Variants in RP1L1 observed in about 807,000 individuals in gnomAD.
RP1L1 encodes retinitis pigmentosa 1-like 1 protein.
RP1L1 carries 27 observed loss-of-function variants against 15.7 expected under a neutral mutation model. The ratio of observed to expected loss-of-function variants is 1.72; its 90% CI spans 1.27 to 2.38. RP1L1 has a LOEUF of 2.38. Among genes scored for constraint, RP1L1 ranks in the 30% most tolerant of loss-of-function variants. The probability of loss-of-function intolerance (pLI) is 0.00; values close to 1 mark genes in which losing one functional copy is unlikely to be tolerated. For synonymous variants in RP1L1, 1,813 were observed against 1,276.7 expected (o/e 1.42, Z -8.96); for missense variants, 4,798 against 3,075.9 (o/e 1.56, Z -13.24).
chr8:10,631,704 G>A (rs1274054617), intron 1 of RP1L1, among the ~76,000 whole-genome samples: 6 of 152,166 alleles, frequency 3.9e-5, no homozygotes, highest in Non-Finnish European at 4.4e-5. Context: ...GACCGCAAGC[G>A]CTGGGTTCTC....
At position 10,647,692 on chromosome 8, in the gene RP1L1, A is replaced by G. The variant is rs148588804; in HGVS notation, c.-20+7206T>C. Among the ~76,000 whole-genome samples, 476 of 152,324 alleles carry G rather than the reference A, an allele frequency of 3.1e-3. 3 individuals carry two copies. Among genetic ancestry groups the G allele is most frequent in the African/African-American group, 0.011 (443 of 41,566 alleles). On this transcript the variant is annotated intron_variant, in intron 1 of 3. Transcript: ENST00000382483. ...ATTTCCCTCCTTTTTAGGGCTGAAT[A>G]ATATTCCACCTCATGTATATGCCAG...
chr8:10,651,289 T>C (rs1428861718), intron 1 of RP1L1, among the ~76,000 whole-genome samples: 1 of 152,184 alleles, frequency 6.6e-6, no homozygotes, highest in African/African-American at 2.4e-5. Context: ...CTCCAGGTGA[T>C]TGTGCTCACA....
chr8:10,635,893 A>C (rs567562918), intron 1 of RP1L1, among the ~76,000 whole-genome samples: 92 of 152,356 alleles, frequency 6.0e-4, no homozygotes, highest in Middle Eastern at 3.4e-3. Flanking sequence ...CAGACACTGG[A>C]AGATCCCCCG....
Position 10,609,274 on chromosome 8 carries a change from G to A in RP1L1, c.4824C>T (p.His1608=), listed in dbSNP as rs772895975. Residue 1608 remains histidine, a synonymous_variant, in exon 4 of 4, where the codon CAC becomes CAT. Coordinates refer to ENST00000382483, the MANE Select transcript of RP1L1 (RefSeq NM_178857.6). ...ELLLQTQQRR[H]RLRGLRNLSA... ...AGAGGTTTCGCAGGCCCCGGAGACGGTGTCTGCGCTGCTGGGTCTGCAGGA... is the reference window on the plus strand; with the variant it reads ...AGAGGTTTCGCAGGCCCCGGAGACGATGTCTGCGCTGCTGGGTCTGCAGGA... The A allele has an allele frequency of 1.4e-5, 23 of 1,609,894 alleles. No individual in the cohort carries two copies. Among genetic ancestry groups the A allele is most frequent in the Non-Finnish European group, 1.4e-5 (17 of 1,179,702 alleles).
In RP1L1 at chr8:10,612,795, T is replaced by C. The variant is rs781267892; in HGVS notation, c.1303A>G (p.Ser435Gly). ...GCAGTCCCGTGGCCCCACAGGCCAC[T>C]GCAGCGGACGTGCTGGGCCAGTCCC... ...RWGLAQHVRCSGLWGHGTAGR... is the reference protein window; with the variant it reads ...RWGLAQHVRCGGLWGHGTAGR... Residue 435 changes from serine to glycine, a missense_variant, in exon 4 of 4, where the codon AGT becomes GGT. Transcript: ENST00000382483. 8.1e-6 allele frequency: 13 copies of C among 1,610,960 alleles called. No homozygotes were observed. The highest frequency in any genetic ancestry group is 6.7e-5 in the Admixed American group (4 of 60,006).
rs980841873 is a variant in RP1L1 at position 10,644,434 on chromosome 8, G to A, written c.-20+10464C>T. 9.2e-5 allele frequency among the ~76,000 whole-genome samples: 14 copies of A among 152,216 alleles called. No homozygotes were observed. In the South Asian group the frequency reaches 2.5e-3, roughly 27 times the overall value. ...GGCTGGTCTATCCATGCCTGGCCCTGACTGTTGAAGGGTCACACCAGGCCA... is the reference window on the plus strand; with the variant it reads ...GGCTGGTCTATCCATGCCTGGCCCTAACTGTTGAAGGGTCACACCAGGCCA... On this transcript the variant is annotated intron_variant, in intron 1 of 3. Transcript: ENST00000382483.
intron 3 of RP1L1, 23 bp downstream of exon 3, chr8:10,616,423 G>A (rs1797965982): frequency 6.2e-7 from 1 of 1,614,000 alleles, no homozygotes; most frequent in Non-Finnish European, 8.5e-7. Context: ...AATCAGATGG[G>A]GGAAACCCAA....
In RP1L1 at chr8:10,607,409, G is replaced by T; in HGVS notation, c.6689C>A (p.Thr2230Asn). 4.4e-6 allele frequency: 7 copies of T among 1,593,662 alleles called. No homozygotes were observed. Among genetic ancestry groups the T allele is most frequent in the Non-Finnish European group, 6.0e-6 (7 of 1,167,706 alleles). ...CTGGGCCTCCCCTTCAGCCTCCGGG[G>T]TCTCTACGCCTTCTGGCTCTGGCTG... ...EAQPEPEGVE[T>N]PEAEGEAQPE... is the part of the protein sequence containing the mutation. Residue 2230 changes from threonine (T) to asparagine (N), a missense_variant, in exon 4 of 4, where the codon ACC becomes AAC. Coordinates refer to ENST00000382483, the MANE Select transcript of RP1L1 (RefSeq NM_178857.6).
chr8:10,612,940 G>T lies in RP1L1; in HGVS notation c.1158C>A (p.Pro386=). 1.2e-6 allele frequency: 2 copies of T among 1,612,046 alleles called. No homozygotes were observed. The highest frequency in any genetic ancestry group is 8.5e-7 in the Non-Finnish European group (1 of 1,179,644). ...FSEPGVWGPR[P]CRVGCREVFG... is the part of the protein sequence containing the mutation. ...AGACTTCCCTGCATCCCACCCTGCA[G>T]GGCCGGGGTCCCCACACCCCAGGCT... The change falls in exon 4 of 4, where the codon CCC becomes CCA. Residue 386 remains proline (P), a synonymous_variant. Transcript: ENST00000382483.
chr8:10,617,385 G>A (rs1356671164), intron 2 of RP1L1, among the ~76,000 whole-genome samples: 15 of 137,144 alleles, frequency 1.1e-4, no homozygotes, highest in African/African-American at 3.9e-4. Flanking sequence ...AAATTATAAG[G>A]GTATGCTCAT....
Position 10,611,408 on chromosome 8 carries a change from G to C in RP1L1, c.2690C>G (p.Pro897Arg). Residue 897 changes from proline to arginine, a missense_variant, in exon 4 of 4, where the codon CCC becomes CGC. Pro to Arg is a moderately radical substitution (Grantham distance 103). Coordinates refer to ENST00000382483, the MANE Select transcript of RP1L1 (RefSeq NM_178857.6). ...SPQEGTRQPG[P>R]TPSPGPNSGA... ...TGAATTGGGGCCTGGGGACGGCGTG[G>C]GGCCTGGCTGGCGTGTCCCCTCCTG... 6.3e-7 allele frequency: 1 copy of C among 1,594,896 alleles called. No homozygotes were observed. Among genetic ancestry groups the C allele is most frequent in the Non-Finnish European group, 8.5e-7 (1 of 1,172,622 alleles).
At chr8:10,616,957 G>A (rs1201498900) in intron 2 of RP1L1, among the ~76,000 whole-genome samples, 3 of 152,166 alleles carry the variant, frequency 2.0e-5, no homozygotes, top group Non-Finnish European at 1.5e-5. Context: ...ACGCCCTCCA[G>A]CTCCCACAGC....
rs761943848 is a variant in RP1L1, at chr8:10,612,605, C to T, written c.1493G>A (p.Ser498Asn). ...QIGAERKAGG[S>N]LGEDPGLCID... ...GCATAGGCCGGGGTCCTCACCCAGGCTCCCTCCAGCTTTCCGCTCAGCCCC... is the reference window on the plus strand; with the variant it reads ...GCATAGGCCGGGGTCCTCACCCAGGTTCCCTCCAGCTTTCCGCTCAGCCCC... Residue 498 changes from serine (S) to asparagine (N), a missense_variant, in exon 4 of 4, where the codon AGC (serine) becomes AAC (asparagine). By Grantham distance (46) the Ser-to-Asn change is conservative. Coordinates refer to ENST00000382483, the MANE Select transcript of RP1L1 (RefSeq NM_178857.6). 3.1e-6 allele frequency: 5 copies of T among 1,602,562 alleles called. No homozygotes were observed. In the African/African-American group the frequency reaches 4.0e-5, roughly 13 times the overall value.
At chr8:10,631,245 GCACA>G (rs1798237714) in intron 1 of RP1L1, among the ~76,000 whole-genome samples, 1 of 145,676 alleles carries the variant, frequency 6.9e-6, no homozygotes. Context: ...GTACACACAT[GCACA>G]CATGCACACA....
intron 3 of RP1L1, among the ~76,000 whole-genome samples, chr8:10,615,685 T>G (rs1303910786): frequency 6.6e-6 from 1 of 152,016 alleles, no homozygotes; most frequent in African/African-American, 2.4e-5. Flanking sequence ...TGCGCCACCA[T>G]GCCTGGCTAA....
At chr8:10,617,189 C>T (rs1490466752) in intron 2 of RP1L1, among the ~76,000 whole-genome samples, 2 of 152,004 alleles carry the variant, frequency 1.3e-5, no homozygotes, top group African/African-American at 2.4e-5. Flanking sequence ...CCTATGCACT[C>T]CTGGGCTCAG....
intron 1 of RP1L1, among the ~76,000 whole-genome samples, chr8:10,636,525 C>A (rs991657298): frequency 6.6e-6 from 1 of 152,214 alleles, no homozygotes; most frequent in Non-Finnish European, 1.5e-5. Context: ...TCCCTTCCCC[C>A]TCGAATGGCA....
rs188260116 is a variant in RP1L1, at chr8:10,625,082, T to C, written c.-19-1862A>G. Among the ~76,000 whole-genome samples, 768 of 152,220 alleles carry C rather than the reference T, an allele frequency of 5.0e-3. 2 individuals carry two copies. The highest frequency in any genetic ancestry group is 8.9e-3 in the Non-Finnish European group (602 of 68,010). On this transcript the variant is annotated intron_variant, in intron 1 of 3. Coordinates refer to ENST00000382483, the MANE Select transcript of RP1L1 (RefSeq NM_178857.6). Reference sequence around the variant, plus strand: ...CGGCCTTCAGAAGCCGGACTGAGGGTGAACAATCAGCTGATACGCAAAATC... The same window carrying C: ...CGGCCTTCAGAAGCCGGACTGAGGGCGAACAATCAGCTGATACGCAAAATC...
chr8:10,622,158 C>G (rs1213526029), intron 2 of RP1L1, among the ~76,000 whole-genome samples: 1 of 151,844 alleles, frequency 6.6e-6, no homozygotes, highest in Admixed American at 6.6e-5. Flanking sequence ...CCTGTCTCTA[C>G]TAAAACTAGA....
Sources: allele counts gnomAD v4.1 joint callset (sites outside exome capture counted in the v4.1 genomes callset), GRCh38; gene constraint gnomAD v4.1.1; transcripts MANE v1.5; gene names NCBI Gene and HGNC (gene_info 2026-07-23, HGNC 2026-07-21).